DCC: variants seen among roughly 807,000 people sequenced by gnomAD.
The protein encoded by DCC is DCC netrin 1 receptor, also known as netrin receptor DCC.
In DCC, 58 loss-of-function variants were observed where a neutral mutation model predicts 172.5. The observed-to-expected ratio is 0.34, with a 90% CI of 0.27 to 0.42. The LOEUF is 0.42. Ranked by LOEUF, DCC falls within the 10% of genes least tolerant of loss-of-function variation. DCC has a pLI of 1.00. For missense variants in DCC, 1,740 were observed against 1,791.0 expected, an observed-to-expected ratio of 0.97 and a Z score of 0.51; for synonymous variants, 709 against 644.5, an observed-to-expected ratio of 1.10 and a Z score of -1.52.
chr18:52,396,239 A>G (rs1039294965), intron 1 of DCC, among the ~76,000 whole-genome samples: 5 of 151,950 alleles, frequency 3.3e-5, no homozygotes, highest in Admixed American at 2.6e-4. Flanking sequence ...TGATTTGTGA[A>G]CTTCAATAAT....
chr18:52,675,683 G>A (rs2035634627), intron 1 of DCC, among the ~76,000 whole-genome samples: 2 of 152,092 alleles, frequency 1.3e-5, no homozygotes, highest in African/African-American at 4.8e-5. Context: ...GATTGTTTTT[G>A]TACTGTGTTT....
intron 15 of DCC, among the ~76,000 whole-genome samples, chr18:53,347,647 A>G (rs1252710814): frequency 6.6e-6 from 1 of 152,224 alleles, no homozygotes; most frequent in South Asian, 2.1e-4. Context: ...GTCTGTTTTC[A>G]TGCTGCTAAT....
At chr18:52,922,288 T>C (rs1225985530) in intron 3 of DCC, among the ~76,000 whole-genome samples, 1 of 152,206 alleles carries the variant, frequency 6.6e-6, no homozygotes, top group East Asian at 1.9e-4. Flanking sequence ...TAACAATTAC[T>C]GTCTCAACTA....
intron 1 of DCC, among the ~76,000 whole-genome samples, chr18:52,747,902 C>G (rs928906535): frequency 2.0e-5 from 3 of 152,198 alleles, no homozygotes; most frequent in African/African-American, 4.8e-5. Context: ...CCTAATGACA[C>G]GGTATTTTTC....
rs577985790 is a variant in DCC at position 52,409,762 on chromosome 18, A to G, written c.91+68884A>G. 5.3e-5 allele frequency among the ~76,000 whole-genome samples: 8 copies of G among 152,278 alleles called. No individual in the cohort carries two copies. The East Asian group carries it at 1.5e-3, about 29-fold the overall frequency. ...ATGTATTCAAAAAGGCTAACAATTC[A>G]AAGGTGAATAATTATTAATGTCATG... is the stretch of plus-strand genomic sequence containing the variant. On this transcript the variant is annotated intron_variant, in intron 1 of 28. Coordinates refer to ENST00000442544, the MANE Select transcript of DCC (RefSeq NM_005215.4).
At chr18:53,165,277 A>T (rs2054900101) in intron 8 of DCC, among the ~76,000 whole-genome samples, 2 of 152,174 alleles carry the variant, frequency 1.3e-5, no homozygotes, top group East Asian at 3.8e-4. Context: ...TATGCTTCAC[A>T]TTGCTTTATG....
At chr18:52,387,093 T>C (rs1985829847) in intron 1 of DCC, among the ~76,000 whole-genome samples, 1 of 152,176 alleles carries the variant, frequency 6.6e-6, no homozygotes, top group Non-Finnish European at 1.5e-5. Flanking sequence ...GTCTTTCTCA[T>C]ATTTTCTTAA....
At chr18:52,930,269 G>C (rs2040288110) in intron 5 of DCC, among the ~76,000 whole-genome samples, 3 of 151,878 alleles carry the variant, frequency 2.0e-5, no homozygotes, top group Admixed American at 6.6e-5. Context: ...CCAACCTTCA[G>C]CTTTATATTG....
intron 1 of DCC, among the ~76,000 whole-genome samples, chr18:52,561,044 G>T: frequency 6.6e-6 from 1 of 151,966 alleles, no homozygotes; most frequent in East Asian, 1.9e-4. Flanking sequence ...CCAGATGTTT[G>T]GTGTTATTCA....
chr18:53,335,188 A>G (rs570771211), intron 14 of DCC, among the ~76,000 whole-genome samples: 3 of 152,170 alleles, frequency 2.0e-5, no homozygotes, highest in East Asian at 3.9e-4. Flanking sequence ...TCCTCTCCCT[A>G]CAGAGCTCAC....
chr18:53,145,136 A>T (rs2043889618), intron 7 of DCC, among the ~76,000 whole-genome samples: 3 of 48,588 alleles, frequency 6.2e-5, no homozygotes, highest in Non-Finnish European at 4.2e-5. Flanking sequence ...TTTTTTTGAG[A>T]CCGACTCTTG....
intron 12 of DCC, among the ~76,000 whole-genome samples, chr18:53,279,806 C>T (rs6508215): frequency 6.6e-6 from 1 of 151,910 alleles, no homozygotes; most frequent in African/African-American, 2.4e-5. Context: ...GAGCTGGAAG[C>T]CAAAATCCTG....
At chr18:52,841,174 G>C (rs923663679) in intron 2 of DCC, among the ~76,000 whole-genome samples, 5 of 151,982 alleles carry the variant, frequency 3.3e-5, no homozygotes, top group African/African-American at 1.2e-4. Context: ...GAAATAGAAA[G>C]TTGCAAATGC....
At chr18:53,207,382 C>T (rs920305536) in intron 10 of DCC, among the ~76,000 whole-genome samples, 1 of 152,094 alleles carries the variant, frequency 6.6e-6, no homozygotes, top group Admixed American at 6.6e-5. Flanking sequence ...CTGCCTTCTG[C>T]CTGTGAGGGT....
At chr18:53,353,314 G>A (rs1463234151) in intron 15 of DCC, among the ~76,000 whole-genome samples, 1 of 150,654 alleles carries the variant, frequency 6.6e-6, no homozygotes, top group African/African-American at 2.4e-5. Context: ...AAATATAGGA[G>A]CCAATTCTAT....
At chr18:52,717,855 C>A (rs1378514017) in intron 1 of DCC, among the ~76,000 whole-genome samples, 4 of 152,106 alleles carry the variant, frequency 2.6e-5, no homozygotes, top group Admixed American at 6.5e-5. Context: ...ACATAAAATT[C>A]AAAAACAGGC....
intron 5 of DCC, among the ~76,000 whole-genome samples, chr18:53,007,127 G>T (rs550804636): frequency 1.3e-5 from 2 of 152,146 alleles, no homozygotes; most frequent in East Asian, 3.9e-4. Context: ...TGTACTCCAA[G>T]CTTTATACAT....
intron 1 of DCC, among the ~76,000 whole-genome samples, chr18:52,565,346 G>T (rs1242095369): frequency 3.3e-5 from 5 of 152,074 alleles, no homozygotes; most frequent in Non-Finnish European, 5.9e-5. Context: ...AATCCTTTGG[G>T]TGTATACCCA....
At chr18:53,067,297 G>C (rs1462686413) in intron 7 of DCC, among the ~76,000 whole-genome samples, 1 of 152,106 alleles carries the variant, frequency 6.6e-6, no homozygotes, top group Non-Finnish European at 1.5e-5. Context: ...AAGGGGTGAG[G>C]ATGGCTTGAG....
Sources: gnomAD v4.1 joint callset for allele counts (sites outside exome capture counted in the v4.1 genomes callset) on GRCh38, gnomAD v4.1.1 for gene constraint, MANE v1.5 for transcripts, NCBI Gene and HGNC (gene_info 2026-07-23, HGNC 2026-07-21) for gene names.